Variants in KCTD20 observed in about 807,000 individuals in gnomAD.
KCTD20 encodes BTB/POZ domain-containing protein KCTD20.
KCTD20 carries 30 observed loss-of-function variants against 39.6 expected under a neutral mutation model. The ratio of observed to expected loss-of-function variants is 0.76; its 90% confidence interval spans 0.57 to 1.03. The LOEUF (loss-of-function observed/expected upper bound fraction) is 1.03. KCTD20 is among the 50% of genes least tolerant of loss of function. KCTD20 has a pLI of 0.00. For missense variants in KCTD20, 422 were observed against 522.0 expected, an observed-to-expected ratio of 0.81 and a Z score of 1.87; for synonymous variants, 162 against 180.6, an observed-to-expected ratio of 0.90 and a Z score of 0.83.
chr6:36,471,848 T>A (rs1775917934), intron 2 of KCTD20, among the ~76,000 whole-genome samples: 1 of 152,004 alleles, frequency 6.6e-6, no homozygotes, highest in Middle Eastern at 3.4e-3. Context: ...TGGTATCTAT[T>A]TCTTTTTTTT....
intron 6 of KCTD20, among the ~76,000 whole-genome samples, chr6:36,482,662 T>C (rs1346219892): frequency 6.6e-6 from 1 of 151,938 alleles, no homozygotes; most frequent in East Asian, 1.9e-4. Context: ...GTTTAAACTA[T>C]TGGCCAGGCG....
At position 36,452,999 on chromosome 6, in the gene KCTD20, C is replaced by CTT. The variant is rs59865602; in HGVS notation, c.-47+9912_-47+9913dup. On this transcript the variant is annotated intron_variant, in intron 1 of 7. Transcript: ENST00000373731. ...TTTTAGGGCTTATCAGTTTTCTTAG[C>CTT]TTTTTTTTTTTTTTTTTTTTTTTTT... 7.7e-3 allele frequency among the ~76,000 whole-genome samples: 446 copies of CTT among 58,094 alleles called. 13 individuals carry two copies. The highest frequency in any genetic ancestry group is 9.8e-3 in the Non-Finnish European group (318 of 32,542). The allele number at this position is 58,094 out of a possible 152,430, so 38.1% of individuals were successfully genotyped here.
rs919153221 is a variant in KCTD20 at position 36,489,909 on chromosome 6, G to T, written c.*2734G>T. The T allele has an allele frequency of 6.6e-6, 1 of 152,200 alleles. No homozygotes were observed. Among genetic ancestry groups the T allele is most frequent in the African/African-American group, 2.4e-5 (1 of 41,456 alleles). 9.4% of individuals were successfully genotyped at this position (152,200 alleles called of 1,614,324 possible). On this transcript the variant is annotated 3_prime_UTR_variant, in exon 8 of 8. Coordinates refer to ENST00000373731, the MANE Select transcript of KCTD20 (RefSeq NM_173562.5). Reference sequence around the variant, plus strand: ...GTTGGAGGGAGGGCAAGACGACAGTGTTAAGTCAGATCATTTAATGGTTTC... The same window carrying T: ...GTTGGAGGGAGGGCAAGACGACAGTTTTAAGTCAGATCATTTAATGGTTTC...
At chr6:36,474,635 T>A (rs1245017512) in intron 2 of KCTD20, among the ~76,000 whole-genome samples, 154 bp from the exon 3 acceptor site, 2 of 152,234 alleles carry the variant, frequency 1.3e-5, no homozygotes, top group African/African-American at 4.8e-5. Flanking sequence ...TGCTTGCTTT[T>A]TACTTGCTGT....
intron 1 of KCTD20, among the ~76,000 whole-genome samples, chr6:36,448,326 A>G (rs1422445539): frequency 6.6e-6 from 1 of 152,186 alleles, no homozygotes; most frequent in Non-Finnish European, 1.5e-5. Flanking sequence ...TTTAAAAATT[A>G]TGGAGGAAAG....
chr6:36,454,730 C>T (rs62402185), intron 1 of KCTD20, among the ~76,000 whole-genome samples: 2,870 of 151,978 alleles, frequency 0.019, 39 homozygotes, highest in Non-Finnish European at 0.027. Flanking sequence ...CCTCCGCCGC[C>T]GGGTTCAAGC....
Position 36,474,795 on chromosome 6 carries a change from C to G in KCTD20, c.167C>G (p.Ser56Ter). 6.2e-7 allele frequency: 1 copy of G among 1,606,232 alleles called. No homozygotes were observed. The highest frequency in any genetic ancestry group is 8.5e-7 in the Non-Finnish European group (1 of 1,174,904). The change falls in exon 3 of 8, where the codon TCA becomes TGA. Residue 56 changes from serine (S) to a stop codon, truncating the protein, a stop_gained. Coordinates refer to ENST00000373731, the MANE Select transcript of KCTD20 (RefSeq NM_173562.5). LOFTEE classifies it high-confidence loss of function. ...YPLGPRNEDL[S>*]LDYASQPANL... ...TCTTTGTATGTTCTTTTAGACCTCTCACTTGACTATGCCTCTCAGCCAGCA... is the reference window on the plus strand; with the variant it reads ...TCTTTGTATGTTCTTTTAGACCTCTGACTTGACTATGCCTCTCAGCCAGCA...
intron 7 of KCTD20, among the ~76,000 whole-genome samples, chr6:36,485,718 C>T (rs915870155): frequency 4.6e-5 from 7 of 152,096 alleles, no homozygotes; most frequent in African/African-American, 1.7e-4. Flanking sequence ...TGGTCTCAAT[C>T]TCCTGACCTC....
chr6:36,449,769 C>T (rs1173227318), intron 1 of KCTD20, among the ~76,000 whole-genome samples: 1 of 152,146 alleles, frequency 6.6e-6, no homozygotes. Context: ...GTTTAAAAGG[C>T]ACTGTCTCCA....
intron 1 of KCTD20, among the ~76,000 whole-genome samples, chr6:36,462,491 G>T (rs1286393238): frequency 2.0e-5 from 3 of 152,156 alleles, no homozygotes; most frequent in Non-Finnish European, 4.4e-5. Flanking sequence ...TGAGGAGCGT[G>T]TTACAAGTTC....
intron 1 of KCTD20, among the ~76,000 whole-genome samples, chr6:36,464,801 AG>A (rs1459987332): frequency 6.6e-6 from 1 of 152,230 alleles, no homozygotes; most frequent in Non-Finnish European, 1.5e-5. Context: ...TGGAAGGGCT[AG>A]GATTTTTCAG....
chr6:36,487,158 A>G lies in KCTD20; in HGVS notation c.1243A>G (p.Asn415Asp), dbSNP rs748853516. The G allele has an allele frequency of 6.2e-7, 1 of 1,613,140 alleles. No individual in the cohort carries two copies. The highest frequency in any genetic ancestry group is 8.5e-7 in the Non-Finnish European group (1 of 1,179,272). Reference sequence around the variant, plus strand: ...TGCCCCACTTTCTCAGATGGCTTCTAACGACTTTCAGGATTAGGGCCAGCT... The same window carrying G: ...TGCCCCACTTTCTCAGATGGCTTCTGACGACTTTCAGGATTAGGGCCAGCT... ...LNAPLSQMASNDFQD is the reference protein window; with the variant it reads ...LNAPLSQMASDDFQD Residue 415 changes from asparagine (N) to aspartate (D), a missense_variant, in exon 8 of 8, where the codon AAC (asparagine) becomes GAC (aspartate). Coordinates refer to ENST00000373731, the MANE Select transcript of KCTD20 (RefSeq NM_173562.5).
chr6:36,479,751 G>C (rs1776184441), intron 5 of KCTD20, 40 bp downstream of exon 5: 3 of 1,058,292 alleles, frequency 2.8e-6, no homozygotes, highest in Non-Finnish European at 4.0e-6. Flanking sequence ...TTAAGCAGCT[G>C]AACTTTCAGT....
At chr6:36,458,340 AC>A (rs1436834184) in intron 1 of KCTD20, among the ~76,000 whole-genome samples, 6 of 151,734 alleles carry the variant, frequency 4.0e-5, no homozygotes, top group African/African-American at 1.5e-4. Flanking sequence ...AGAGTTTGAG[AC>A]CAGCCTGACC....
intron 2 of KCTD20, among the ~76,000 whole-genome samples, chr6:36,472,079 A>G (rs924522901): frequency 6.6e-6 from 1 of 151,990 alleles, no homozygotes; most frequent in African/African-American, 2.4e-5. Context: ...CGATCTCCTG[A>G]CCTCATGATC....
At chr6:36,448,688 T>C (rs1775134306) in intron 1 of KCTD20, among the ~76,000 whole-genome samples, 1 of 152,230 alleles carries the variant, frequency 6.6e-6, no homozygotes, top group South Asian at 2.1e-4. Flanking sequence ...ATGGCCATTT[T>C]CTTCTCCCTG....
At chr6:36,473,599 T>C (rs542480685) in intron 2 of KCTD20, among the ~76,000 whole-genome samples, 76 of 151,556 alleles carry the variant, frequency 5.0e-4, no homozygotes, top group Middle Eastern at 6.8e-3. Context: ...GATGAAACCT[T>C]GTCTCTACTA....
chr6:36,478,893 ATTC>A (rs1776151564), intron 3 of KCTD20, among the ~76,000 whole-genome samples: 1 of 152,190 alleles, frequency 6.6e-6, no homozygotes, highest in Non-Finnish European at 1.5e-5. Context: ...TTGATCCTTC[ATTC>A]TTCTTTGTAC....
chr6:36,471,658 A>G (rs1168857104), intron 2 of KCTD20, among the ~76,000 whole-genome samples: 3 of 152,190 alleles, frequency 2.0e-5, no homozygotes, highest in African/African-American at 7.2e-5. Flanking sequence ...AGAAAAGCCT[A>G]TGACTGCCGC....
Sources: gnomAD v4.1 joint callset for allele counts (sites outside exome capture counted in the v4.1 genomes callset) on GRCh38, gnomAD v4.1.1 for gene constraint, MANE v1.5 for transcripts, NCBI Gene and HGNC (gene_info 2026-07-23, HGNC 2026-07-21) for gene names.